The following GRM7 variants were observed in gnomAD, a reference collection of about 807,000 sequenced individuals.
GRM7 encodes the protein glutamate metabotropic receptor 7.
A neutral mutation model predicts 84.5 loss-of-function variants in GRM7; 35 were observed. The ratio of observed to expected loss-of-function variants is 0.41; its 90% CI spans 0.32 to 0.55. The LOEUF is 0.55. GRM7 is among the 20% of genes least tolerant of loss of function. The pLI is 0.19. For missense variants in GRM7, 1,003 were observed against 1,194.6 expected (o/e 0.84, Z 2.36); for synonymous variants, 487 against 455.1 (o/e 1.07, Z -0.89).
intron 7 of GRM7, among the ~76,000 whole-genome samples, chr3:7,562,497 A>G (rs1694073508): frequency 6.6e-6 from 1 of 152,074 alleles, no homozygotes; most frequent in South Asian, 2.1e-4. Context: ...TGATCTAGCC[A>G]GAATTGAGAG....
intron 9 of GRM7, among the ~76,000 whole-genome samples, chr3:7,711,155 G>C (rs1701563553): frequency 6.6e-6 from 1 of 152,160 alleles, no homozygotes; most frequent in Non-Finnish European, 1.5e-5. Context: ...GAAAAAGAAA[G>C]ATAAAGAATA....
At chr3:6,988,837 A>C (rs1404247872) in intron 1 of GRM7, among the ~76,000 whole-genome samples, 2 of 152,186 alleles carry the variant, frequency 1.3e-5, no homozygotes, top group Non-Finnish European at 2.9e-5. Flanking sequence ...TCTTCACTCC[A>C]TATACACCAA....
At chr3:7,109,446 G>A (rs180955351) in intron 1 of GRM7, among the ~76,000 whole-genome samples, 270 of 152,162 alleles carry the variant, frequency 1.8e-3, no homozygotes, top group African/African-American at 6.2e-3. Context: ...CATTGTCCAC[G>A]GTATGGGTTT....
At chr3:7,554,095 C>G (rs1017761686) in intron 7 of GRM7, among the ~76,000 whole-genome samples, 2 of 152,140 alleles carry the variant, frequency 1.3e-5, no homozygotes, top group African/African-American at 4.8e-5. Context: ...CGAAGCTATG[C>G]AAAGTAGAAC....
At chr3:7,227,150 T>C (rs1697009480) in intron 2 of GRM7, among the ~76,000 whole-genome samples, 1 of 152,230 alleles carries the variant, frequency 6.6e-6, no homozygotes, top group African/African-American at 2.4e-5. Flanking sequence ...GTAGAAGTCT[T>C]ACTTGAATGT....
At chr3:7,424,433 C>A (rs867777915) in intron 5 of GRM7, among the ~76,000 whole-genome samples, 1 of 152,118 alleles carries the variant, frequency 6.6e-6, no homozygotes, top group Non-Finnish European at 1.5e-5. Flanking sequence ...ATGCTAGGCA[C>A]ATAACAAAAA....
chr3:7,635,247 G>T (rs1268994396), intron 8 of GRM7, among the ~76,000 whole-genome samples: 2 of 152,220 alleles, frequency 1.3e-5, no homozygotes, highest in African/African-American at 4.8e-5. Flanking sequence ...GAACTTTAAG[G>T]CAATAACTAC....
chr3:7,665,091 C>G (rs961453532), intron 8 of GRM7, among the ~76,000 whole-genome samples: 1 of 151,624 alleles, frequency 6.6e-6, no homozygotes, highest in African/African-American at 2.4e-5. Context: ...ATGACACATT[C>G]TCTTGACAAA....
At chr3:6,935,677 A>AATT (rs57669228) in intron 1 of GRM7, among the ~76,000 whole-genome samples, 23,004 of 142,290 alleles carry the variant, frequency 0.16, 1,933 homozygotes, top group South Asian at 0.2. Flanking sequence ...CTTATTTTTA[A>AATT]ATTATTATTA....
intron 4 of GRM7, among the ~76,000 whole-genome samples, chr3:7,394,775 T>A (rs1160744692): frequency 2.6e-5 from 4 of 152,142 alleles, no homozygotes; most frequent in African/African-American, 9.7e-5. Context: ...TGGTGGCTCA[T>A]GCCTGTAATC....
chr3:7,342,319 T>A (rs538482965), intron 4 of GRM7, among the ~76,000 whole-genome samples: 18 of 152,240 alleles, frequency 1.2e-4, no homozygotes, highest in African/African-American at 4.1e-4. Flanking sequence ...TCAAGAAACA[T>A]CAAAAGTTCT....
chr3:7,559,761 G>A (rs896069742), intron 7 of GRM7, among the ~76,000 whole-genome samples: 5 of 152,054 alleles, frequency 3.3e-5, no homozygotes, highest in African/African-American at 9.7e-5. Context: ...GAATACCTCC[G>A]ACTGGGTGAC....
intron 2 of GRM7, among the ~76,000 whole-genome samples, chr3:7,207,377 A>G (rs1301747214): frequency 6.6e-6 from 1 of 152,146 alleles, no homozygotes; most frequent in Non-Finnish European, 1.5e-5. Context: ...GAGCTTGCCA[A>G]GTGTTTCTGT....
chr3:7,630,735 G>A (rs1697827218), intron 8 of GRM7, among the ~76,000 whole-genome samples: 1 of 152,166 alleles, frequency 6.6e-6, no homozygotes, highest in Non-Finnish European at 1.5e-5. Context: ...TTAAGCATGT[G>A]ACACACTTCC....
At chr3:7,579,779 C>G (rs1412328954) in intron 8 of GRM7, among the ~76,000 whole-genome samples, 3 of 152,176 alleles carry the variant, frequency 2.0e-5, no homozygotes, top group African/African-American at 7.2e-5. Flanking sequence ...TGTAAATGCT[C>G]TCTCGCTCTT....
chr3:7,185,305 G>C (rs1695478352), intron 2 of GRM7, among the ~76,000 whole-genome samples: 1 of 152,144 alleles, frequency 6.6e-6, no homozygotes, highest in Admixed American at 6.5e-5. Context: ...CTGCCAACGA[G>C]AGTTGAGAAG....
rs911802605 is a variant in GRM7 at position 7,463,681 on chromosome 3, A to C, written c.1515+1959A>C. On this transcript the variant is annotated intron_variant, in intron 7 of 9. Transcript: ENST00000357716. The stretch of plus-strand genomic sequence containing the variant: ...AGGACCTACTACAAGAGAAGCCAGC[A>C]AAGTGAAAACTAGAGTGACCAGCAG... Among the ~76,000 whole-genome samples the C allele has an allele frequency of 4.6e-5, 7 of 152,326 alleles. No homozygotes were observed. In the South Asian group the frequency reaches 1.0e-3, roughly 23 times the overall value.
chr3:6,861,832 G>T lies in GRM7; in HGVS notation c.444G>T (p.Glu148Asp), dbSNP rs767809661. ...NGEPPVFVKP[E>D]KVVGVIGASG... ...AACCGCCGGTTTTCGTCAAGCCGGAGAAAGTAGTTGGAGTGATTGGGGCTT... is the reference window on the plus strand; with the variant it reads ...AACCGCCGGTTTTCGTCAAGCCGGATAAAGTAGTTGGAGTGATTGGGGCTT... Residue 148 changes from glutamate (E) to aspartate (D), a missense_variant, in exon 1 of 10, where the codon GAG becomes GAT. Coordinates refer to ENST00000357716, the MANE Select transcript of GRM7 (RefSeq NM_000844.4). The surrounding 1 kb of genome is among the most constrained non-coding windows in gnomAD (Gnocchi z 6.4). 1 of 1,614,178 alleles carries T rather than the reference G, an allele frequency of 6.2e-7. No individual in the cohort carries two copies. Among genetic ancestry groups the T allele is most frequent in the East Asian group, 2.2e-5 (1 of 44,832 alleles).
intron 8 of GRM7, among the ~76,000 whole-genome samples, chr3:7,652,475 C>A (rs1478015405): frequency 2.6e-5 from 4 of 152,272 alleles, no homozygotes; most frequent in Admixed American, 2.0e-4. Context: ...CTTAGCTCTG[C>A]CCCTTTCTAG....
Sources: allele counts gnomAD v4.1 joint callset (sites outside exome capture counted in the v4.1 genomes callset), GRCh38; gene constraint gnomAD v4.1.1; non-coding constraint Gnocchi (gnomAD v3.1); transcripts MANE v1.5; gene names NCBI Gene and HGNC (gene_info 2026-07-23, HGNC 2026-07-21).